The following RASGEF1C variants were observed in gnomAD, a reference collection of about 807,000 sequenced individuals.
The protein encoded by RASGEF1C is RasGEF domain family member 1C.
A neutral mutation model predicts 58.1 loss-of-function variants in RASGEF1C; 27 were observed. That is an observed-to-expected ratio of 0.46 (90% CI 0.34 to 0.64). The LOEUF (loss-of-function observed/expected upper bound fraction) is 0.64, where lower values mean the gene tolerates loss of function less well. RASGEF1C is among the 30% of genes least tolerant of loss of function. The pLI is 0.01. For synonymous variants in RASGEF1C, 243 were observed against 246.3 expected (o/e 0.99, Z 0.13); for missense variants, 502 against 605.1 (o/e 0.83, Z 1.79).
rs117471287 is a variant in RASGEF1C, at chr5:180,201,356, T to C, written c.-7+7672A>G. ...GGACCTACGGAAGCAAAAGTGAATA[T>C]TGTAAACTCAGAAAACACAAGTCCA... On this transcript the variant is annotated intron_variant, in intron 1 of 13. Transcript: ENST00000361132. Among the ~76,000 whole-genome samples the C allele has an allele frequency of 6.0e-4, 92 of 152,198 alleles. 1 individual carries two copies. In the East Asian group the frequency reaches 0.017, roughly 28 times the overall value.
At chr5:180,194,173 G>C (rs1162013233) in intron 1 of RASGEF1C, among the ~76,000 whole-genome samples, 2 of 152,186 alleles carry the variant, frequency 1.3e-5, no homozygotes, top group African/African-American at 4.8e-5. Context: ...GGACGGGGAG[G>C]GCAGCCGAAC....
At chr5:180,123,436 G>A (rs1270614508) in intron 6 of RASGEF1C, among the ~76,000 whole-genome samples, 3 of 152,096 alleles carry the variant, frequency 2.0e-5, no homozygotes, top group Non-Finnish European at 2.9e-5. Context: ...TTGAGAATAC[G>A]CATTCTTTTC....
rs893669812 is a variant in RASGEF1C, at chr5:180,168,839, G to A, written c.-6-30781C>T. ...GTGAATAATAAGAGACCCTCCTCCC[G>A]TTCCTCAAACCAGAAGCAGAGGGTT... is the stretch of plus-strand genomic sequence containing the variant. On this transcript the variant is annotated intron_variant, in intron 1 of 13. Coordinates refer to ENST00000361132, the MANE Select transcript of RASGEF1C (RefSeq NM_175062.4). The surrounding 1 kb of genome is among the most constrained non-coding windows in gnomAD (Gnocchi z 6.0). 7.9e-5 allele frequency among the ~76,000 whole-genome samples: 12 copies of A among 152,278 alleles called. No individual in the cohort carries two copies. Among genetic ancestry groups the A allele is most frequent in the African/African-American group, 1.9e-4 (8 of 41,548 alleles).
chr5:180,200,916 T>C (rs1756383992), intron 1 of RASGEF1C, among the ~76,000 whole-genome samples: 2 of 151,968 alleles, frequency 1.3e-5, no homozygotes, highest in Non-Finnish European at 2.9e-5. Context: ...AGAGGGGAGC[T>C]GGGACCAAGA....
intron 1 of RASGEF1C, among the ~76,000 whole-genome samples, chr5:180,141,719 CT>C (rs55986031): frequency 0.69 from 100,980 of 145,988 alleles, 35,818 homozygotes; most frequent in East Asian, 0.82. Context: ...TTTTATCACA[CT>C]TTTTTTTTTT....
At chr5:180,181,532 G>A (rs1767325937) in intron 1 of RASGEF1C, among the ~76,000 whole-genome samples, 1 of 152,196 alleles carries the variant, frequency 6.6e-6, no homozygotes, top group African/African-American at 2.4e-5. Context: ...GACCTTAGAA[G>A]ACGTGGGCAC....
In RASGEF1C at chr5:180,168,392, C is replaced by A. The variant is rs1767053030; in HGVS notation, c.-6-30334G>T. 6.6e-6 allele frequency among the ~76,000 whole-genome samples: 1 copy of A among 152,132 alleles called. No individual in the cohort carries two copies. The highest frequency in any genetic ancestry group is 2.4e-5 in the African/African-American group (1 of 41,414). On this transcript the variant is annotated intron_variant, in intron 1 of 13. Coordinates refer to ENST00000361132, the MANE Select transcript of RASGEF1C (RefSeq NM_175062.4). The surrounding 1 kb of genome is among the most constrained non-coding windows in gnomAD (Gnocchi z 6.0). ...CGGTTGCCATGAGCCGAGATGGCGC[C>A]ACTGCACTCCAGCCTGGGCAACAAG...
chr5:180,208,386 C>T (rs1440234863), intron 1 of RASGEF1C, among the ~76,000 whole-genome samples: 1 of 152,172 alleles, frequency 6.6e-6, no homozygotes, highest in Non-Finnish European at 1.5e-5. Flanking sequence ...GCGTCGCCAG[C>T]ACCCTTCCCC....
At chr5:180,130,930 T>C (rs976245117) in intron 4 of RASGEF1C, among the ~76,000 whole-genome samples, 1 of 152,128 alleles carries the variant, frequency 6.6e-6, no homozygotes. Context: ...CCAGTGTTGG[T>C]GGATAGCGCG....
intron 1 of RASGEF1C, among the ~76,000 whole-genome samples, chr5:180,206,598 C>T (rs995172568): frequency 6.6e-6 from 1 of 152,130 alleles, no homozygotes. Flanking sequence ...TAAATATACA[C>T]CTTTGCAAAC....
chr5:180,176,613 G>A (rs977920102), intron 1 of RASGEF1C, among the ~76,000 whole-genome samples: 2 of 150,440 alleles, frequency 1.3e-5, no homozygotes, highest in African/African-American at 2.5e-5. Context: ...CTGGAGTGCA[G>A]TGGCGCAATC....
intron 4 of RASGEF1C, among the ~76,000 whole-genome samples, chr5:180,132,413 A>G (rs1404836222): frequency 6.6e-6 from 1 of 152,194 alleles, no homozygotes; most frequent in Non-Finnish European, 1.5e-5. Flanking sequence ...CCTGTCCCTG[A>G]CCAGGTGAGG....
chr5:180,195,908 T>C (rs1290182553), intron 1 of RASGEF1C, among the ~76,000 whole-genome samples: 1 of 152,160 alleles, frequency 6.6e-6, no homozygotes, highest in Non-Finnish European at 1.5e-5. Context: ...CTATCTGGAA[T>C]ATTATTAAAA....
chr5:180,205,526 T>C (rs1358714912), intron 1 of RASGEF1C, among the ~76,000 whole-genome samples: 1 of 152,084 alleles, frequency 6.6e-6, no homozygotes, highest in Non-Finnish European at 1.5e-5. Flanking sequence ...AAGCCTAATA[T>C]AAACTTAATA....
intron 7 of RASGEF1C, 46 bp from the exon 8 acceptor site, chr5:180,119,494 T>A (rs775310243): frequency 6.1e-6 from 9 of 1,478,050 alleles, no homozygotes; most frequent in Non-Finnish European, 8.5e-6. Flanking sequence ...GCCTCCACCC[T>A]GCCCTGATCA....
At position 180,127,525 on chromosome 5, in the gene RASGEF1C, C is replaced by G. The variant is rs868570253; in HGVS notation, c.714+84G>C. 1.8e-4 allele frequency: 256 copies of G among 1,388,522 alleles called. 1 individual carries two copies. The Middle Eastern group carries it at 2.1e-3, about 11-fold the overall frequency. The allele number at this position is 1,388,522 out of a possible 1,614,324, so 86.0% of individuals were successfully genotyped here. Reference sequence around the variant, plus strand: ...CACTCTGGGCCACTCCAGCGCTCGCCCAGAGAAGGCTCGCGGGCTCCCCGG... The same window carrying G: ...CACTCTGGGCCACTCCAGCGCTCGCGCAGAGAAGGCTCGCGGGCTCCCCGG... On this transcript the variant is annotated intron_variant, in intron 6 of 13. Transcript: ENST00000361132.
intron 1 of RASGEF1C, among the ~76,000 whole-genome samples, chr5:180,152,568 T>TC (rs1554113671): frequency 2.8e-5 from 1 of 35,784 alleles, no homozygotes; most frequent in African/African-American, 1.0e-4. Flanking sequence ...TGTTGTGGGG[T>TC]GGGGGGAGGG....
At chr5:180,199,358 C>A (rs1278465260) in intron 1 of RASGEF1C, among the ~76,000 whole-genome samples, 1 of 152,156 alleles carries the variant, frequency 6.6e-6, no homozygotes, top group Admixed American at 6.5e-5. Context: ...AACATCCAAG[C>A]CTTCATCACT....
chr5:180,111,377 C>G (rs1253471222), intron 12 of RASGEF1C, 80 bp downstream of exon 12: 1 of 1,591,060 alleles, frequency 6.3e-7, no homozygotes, highest in Non-Finnish European at 8.6e-7. Context: ...CTACTCAGAG[C>G]AGGGGTCCTG....
Sources: gnomAD v4.1 joint callset for allele counts (sites outside exome capture counted in the v4.1 genomes callset) on GRCh38, gnomAD v4.1.1 for gene constraint, Gnocchi (gnomAD v3.1) non-coding constraint, MANE v1.5 for transcripts, NCBI Gene and HGNC (gene_info 2026-07-23, HGNC 2026-07-21) for gene names.